Variants in MAPK14 observed in about 807,000 individuals in gnomAD.
MAPK14 encodes mitogen-activated protein kinase 14.
Under a neutral mutation model 49.6 loss-of-function variants are expected in MAPK14, and 16 were observed. The observed-to-expected ratio is 0.32, with a 90% confidence interval of 0.22 to 0.49. The LOEUF (loss-of-function observed/expected upper bound fraction) is 0.49, where lower values mean the gene tolerates loss of function less well. MAPK14 is among the 20% of genes least tolerant of loss of function. The probability of loss-of-function intolerance (pLI) is 0.99; values close to 1 mark genes in which losing one functional copy is unlikely to be tolerated. For synonymous variants in MAPK14, 142 were observed against 158.0 expected (o/e 0.90, Z 0.76); for missense variants, 200 against 441.2 (o/e 0.45, Z 4.90).
In MAPK14 at chr6:36,110,039, TTATAAA is replaced by T. The variant is rs1159696602; in HGVS notation, c.*1593_*1598del. Reference sequence around the variant, plus strand: ...ATTTTAATATTTTGTATTTTCAACTTTATAAAGATAAAATATCCTCAGGGGTGGAGA... The same window carrying T: ...ATTTTAATATTTTGTATTTTCAACTTGATAAAATATCCTCAGGGGTGGAGA... On this transcript the variant is annotated 3_prime_UTR_variant, in exon 12 of 12. Transcript: ENST00000229794. 5 of 152,336 alleles carry T rather than the reference TTATAAA, an allele frequency of 3.3e-5. No homozygotes were observed. The highest frequency in any genetic ancestry group is 7.3e-5 in the Non-Finnish European group (5 of 68,036). The allele number at this position is 152,336 out of a possible 1,614,324, so 9.4% of individuals were successfully genotyped here. A position where few individuals can be genotyped will look rare whatever the true frequency, so the allele number is the denominator to read the frequency against.
intron 1 of MAPK14, among the ~76,000 whole-genome samples, chr6:36,046,981 G>A (rs186123979): frequency 2.0e-5 from 3 of 152,330 alleles, no homozygotes; most frequent in Non-Finnish European, 4.4e-5. Flanking sequence ...TCTGAGGTGG[G>A]AAGTTGAAGA....
intron 1 of MAPK14, among the ~76,000 whole-genome samples, chr6:36,029,523 T>C (rs1421264822): frequency 6.6e-6 from 1 of 152,248 alleles, no homozygotes; most frequent in African/African-American, 2.4e-5. Flanking sequence ...GTTTTAGTAA[T>C]TCGTATTGTA....
At chr6:36,072,754 A>G (rs1764357237) in intron 3 of MAPK14, 119 bp from the exon 4 acceptor site, 1 of 567,004 alleles carries the variant, frequency 1.8e-6, no homozygotes, top group East Asian at 3.1e-5. Flanking sequence ...GTAGAGCGAG[A>G]CTCCATTTCA....
chr6:36,059,225 A>G (rs1763706547), intron 2 of MAPK14, 64 bp from the exon 3 acceptor site: 2 of 1,011,320 alleles, frequency 2.0e-6, no homozygotes, highest in Admixed American at 2.0e-5. Context: ...GAAGATTAAG[A>G]CCTGATGGGT....
intron 3 of MAPK14, among the ~76,000 whole-genome samples, chr6:36,061,738 C>T (rs1299780367): frequency 6.6e-6 from 1 of 152,196 alleles, no homozygotes; most frequent in Non-Finnish European, 1.5e-5. Flanking sequence ...ACTTTTGTAT[C>T]CAAGCTACCA....
At chr6:36,057,223 T>C (rs995367460) in intron 2 of MAPK14, among the ~76,000 whole-genome samples, 2 of 152,218 alleles carry the variant, frequency 1.3e-5, no homozygotes, top group African/African-American at 4.8e-5. Context: ...GGTTAAGTTA[T>C]GGTATACACA....
intron 1 of MAPK14, among the ~76,000 whole-genome samples, chr6:36,029,553 C>A (rs2127387442): frequency 6.6e-6 from 1 of 152,214 alleles, no homozygotes; most frequent in African/African-American, 2.4e-5. Flanking sequence ...TGAAAACGGG[C>A]CTGTAAAATC....
chr6:36,090,458 C>T (rs6939210), intron 8 of MAPK14, among the ~76,000 whole-genome samples: 30 of 151,824 alleles, frequency 2.0e-4, no homozygotes, highest in African/African-American at 7.0e-4. Flanking sequence ...ATCTGCCCGC[C>T]TTGGCCTACC....
At chr6:36,044,248 C>T (rs1243184889) in intron 1 of MAPK14, among the ~76,000 whole-genome samples, 2 of 152,178 alleles carry the variant, frequency 1.3e-5, no homozygotes, top group African/African-American at 4.8e-5. Flanking sequence ...TCTTAGAAGT[C>T]ATCTATGACC....
intron 2 of MAPK14, among the ~76,000 whole-genome samples, chr6:36,056,736 A>G (rs1199631641): frequency 6.6e-6 from 1 of 152,262 alleles, no homozygotes; most frequent in African/African-American, 2.4e-5. Flanking sequence ...ACTGTAAAAC[A>G]ATGTAAATAG....
intron 3 of MAPK14, among the ~76,000 whole-genome samples, chr6:36,059,706 C>T (rs536361237): frequency 2.8e-4 from 43 of 152,114 alleles, no homozygotes; most frequent in African/African-American, 8.2e-4. Context: ...TTAAAAGACA[C>T]GGGGTCTTGT....
In MAPK14 at chr6:36,068,623, A is replaced by G. The variant is rs143643805; in HGVS notation, c.306-4250A>G. Among the ~76,000 whole-genome samples the G allele has an allele frequency of 1.0e-3, 159 of 152,302 alleles. 3 individuals carry two copies. The East Asian group carries it at 0.028, about 27-fold the overall frequency. ...TTGCCTTTTGATAATTGCTTTGAAT[A>G]GGACTGATAGTAGTAAGAGACGCCA... On this transcript the variant is annotated intron_variant, in intron 3 of 11. Coordinates refer to ENST00000229794, the MANE Select transcript of MAPK14 (RefSeq NM_139012.3).
chr6:36,051,196 A>G (rs1433832008), intron 1 of MAPK14, among the ~76,000 whole-genome samples: 1 of 151,184 alleles, frequency 6.6e-6, no homozygotes, highest in East Asian at 2.0e-4. Flanking sequence ...GCTCACTGCA[A>G]CCTCCGCCTC....
chr6:36,094,269 A>G (rs1765362787), intron 8 of MAPK14, among the ~76,000 whole-genome samples: 1 of 152,210 alleles, frequency 6.6e-6, no homozygotes. Context: ...TTGCTAAAGA[A>G]CACAAGTTGT....
At chr6:36,121,881 A>G in the MAPK14 span, among the ~76,000 whole-genome samples, 35 of 152,310 alleles carry the variant, frequency 2.3e-4, no homozygotes, top group Middle Eastern at 3.4e-3. Flanking sequence ...TCTCATTGTT[A>G]TACATAAAAT....
At chr6:36,045,904 C>G (rs1581744798) in intron 1 of MAPK14, among the ~76,000 whole-genome samples, 1 of 150,910 alleles carries the variant, frequency 6.6e-6, no homozygotes, top group East Asian at 1.9e-4. Flanking sequence ...TAATCACTTA[C>G]CATTTTGTCA....
chr6:36,082,843 G>A (rs1194487991), intron 8 of MAPK14, among the ~76,000 whole-genome samples: 1 of 152,132 alleles, frequency 6.6e-6, no homozygotes, highest in African/African-American at 2.4e-5. Context: ...AATTTTAAAT[G>A]CCATTAAAAT....
At chr6:36,105,312 G>C (rs572867685) in intron 10 of MAPK14, among the ~76,000 whole-genome samples, 143 of 151,910 alleles carry the variant, frequency 9.4e-4, no homozygotes, top group African/African-American at 3.4e-3. Context: ...GCACAGTCAC[G>C]GTTCATGATA....
chr6:36,075,182 T>A (rs1324566222), intron 6 of MAPK14, among the ~76,000 whole-genome samples: 1 of 133,932 alleles, frequency 7.5e-6, no homozygotes, highest in East Asian at 2.2e-4. Flanking sequence ...GCCGAGATAG[T>A]GCCACTGCAC....
Sources: allele counts gnomAD v4.1 joint callset (sites outside exome capture counted in the v4.1 genomes callset), GRCh38; gene constraint gnomAD v4.1.1; transcripts MANE v1.5; gene names NCBI Gene and HGNC (gene_info 2026-07-23, HGNC 2026-07-21).